Variants in ARID3B observed in about 807,000 individuals in gnomAD.
The protein encoded by ARID3B is AT-rich interactive domain-containing protein 3B.
Under a neutral mutation model 51.9 loss-of-function variants are expected in ARID3B, and 10 were observed. That is an observed-to-expected ratio of 0.19 (90% CI 0.12 to 0.33). The LOEUF is 0.33. Ranked by LOEUF, ARID3B falls within the 10% of genes least tolerant of loss-of-function variation. ARID3B has a pLI of 1.00. For synonymous variants in ARID3B, 205 were observed against 279.5 expected (o/e 0.73, Z 2.66); for missense variants, 483 against 716.3 (o/e 0.67, Z 3.72).
intron 7 of ARID3B, 102 bp from the exon 8 acceptor site, chr15:74,593,036 C>T: frequency 2.1e-6 from 2 of 944,002 alleles, no homozygotes; most frequent in Admixed American, 4.2e-5. Flanking sequence ...TGCCTTTTAA[C>T]AGCGTGAGGC....
intron 4 of ARID3B, among the ~76,000 whole-genome samples, chr15:74,579,872 T>TGTGTGTGTGTGTGCGC (rs1488209764): frequency 8.4e-6 from 1 of 118,936 alleles, no homozygotes; most frequent in Middle Eastern, 4.0e-3. Context: ...TGTGTGTGTG[T>TGTGTGTGTGTGTGCGC]GCGCGCGCGC....
intron 4 of ARID3B, chr15:74,575,052 G>A (rs2061732847): frequency 6.6e-6 from 1 of 150,394 alleles, no homozygotes; most frequent in Admixed American, 6.6e-5. Context: ...GTGACTGGCA[G>A]CAATGAACCT....
At chr15:74,578,727 A>G (rs544010479) in intron 4 of ARID3B, among the ~76,000 whole-genome samples, 2 of 152,322 alleles carry the variant, frequency 1.3e-5, no homozygotes, top group African/African-American at 4.8e-5. Flanking sequence ...TCTCTACAAA[A>G]AAAACATTTT....
chr15:74,591,129 C>G lies in ARID3B; in HGVS notation c.882-22C>G, dbSNP rs201697711. ...CTGGTGCTGTTTTGGATTATTCTCCCTGCTTGCTTCCTTTCCTCCAGGTAC... is the reference window on the plus strand; with the variant it reads ...CTGGTGCTGTTTTGGATTATTCTCCGTGCTTGCTTCCTTTCCTCCAGGTAC... On this transcript the variant is annotated intron_variant, in intron 5 of 8. Coordinates refer to ENST00000346246, the MANE Select transcript of ARID3B (RefSeq NM_006465.4). This position sits in a 1 kb window ranked among gnomAD's most constrained non-coding sequence, Gnocchi z 5.8. 1.8e-5 allele frequency: 28 copies of G among 1,571,456 alleles called. No homozygotes were observed. The East Asian group carries it at 5.4e-4, about 30-fold the overall frequency.
At position 74,591,483 on chromosome 15, in the gene ARID3B, A is replaced by T. The variant is rs770473860; in HGVS notation, c.1165+49A>T. 1.3e-6 allele frequency: 2 copies of T among 1,593,012 alleles called. No homozygotes were observed. The highest frequency in any genetic ancestry group is 4.5e-5 in the East Asian group (2 of 44,468). On this transcript the variant is annotated intron_variant, in intron 6 of 8. Coordinates refer to ENST00000346246, the MANE Select transcript of ARID3B (RefSeq NM_006465.4). The surrounding 1 kb of genome is among the most constrained non-coding windows in gnomAD (Gnocchi z 5.8). ...AGGAAGAAAGGGAGGAAGGGATGCC[A>T]GTTCCCTGTGTTCAAGACTGGGGTT...
chr15:74,578,984 C>G (rs547890514), intron 4 of ARID3B, among the ~76,000 whole-genome samples: 7 of 152,164 alleles, frequency 4.6e-5, no homozygotes, highest in African/African-American at 1.7e-4. Context: ...TTGAAAGGCC[C>G]GGAGACACCC....
chr15:74,552,546 A>G (rs1325281716), intron 2 of ARID3B, among the ~76,000 whole-genome samples: 3 of 151,422 alleles, frequency 2.0e-5, no homozygotes, highest in Non-Finnish European at 4.4e-5. Context: ...CCATTGTAGT[A>G]TCACACAGAG....
At chr15:74,561,711 T>C (rs1338417319) in intron 2 of ARID3B, among the ~76,000 whole-genome samples, 3 of 152,200 alleles carry the variant, frequency 2.0e-5, no homozygotes, top group Non-Finnish European at 4.4e-5. Context: ...TAAATGTCAA[T>C]ACATATAAAA....
At chr15:74,587,742 AG>A (rs933869283) in intron 4 of ARID3B, among the ~76,000 whole-genome samples, 1 of 152,124 alleles carries the variant, frequency 6.6e-6, no homozygotes, top group African/African-American at 2.4e-5. Context: ...TCTTTCTGGT[AG>A]GGGGAAGGTT....
intron 4 of ARID3B, among the ~76,000 whole-genome samples, chr15:74,577,734 TG>T (rs1567123418): frequency 6.6e-6 from 1 of 152,100 alleles, no homozygotes; most frequent in Admixed American, 6.6e-5. Flanking sequence ...GAGGCCCTTA[TG>T]TTGCCCAGGC....
intron 1 of ARID3B, 38 bp from the exon 2 acceptor site, chr15:74,543,822 T>C (rs2061603468): frequency 7.2e-7 from 1 of 1,385,358 alleles, no homozygotes; most frequent in Non-Finnish European, 9.8e-7. Flanking sequence ...TGGTTGTTTT[T>C]TCCCCCTCCT....
At chr15:74,547,871 C>T (rs187196306) in intron 2 of ARID3B, among the ~76,000 whole-genome samples, 208 of 152,346 alleles carry the variant, frequency 1.4e-3, no homozygotes, top group Non-Finnish European at 2.1e-3. Context: ...GGACAGGCAT[C>T]TGCTAACTGA....
Position 74,578,110 on chromosome 15 carries a change from G to A in ARID3B, c.697+4906G>A, listed in dbSNP as rs550440602. Reference sequence around the variant, plus strand: ...GGCCTCGAGTGATCCGCCTGCCTCCGACTCCCAAAGTACTGGAATTACAGA... The same window carrying A: ...GGCCTCGAGTGATCCGCCTGCCTCCAACTCCCAAAGTACTGGAATTACAGA... On this transcript the variant is annotated intron_variant, in intron 4 of 8. Transcript: ENST00000346246. Among the ~76,000 whole-genome samples the A allele has an allele frequency of 8.6e-5, 13 of 151,826 alleles. 1 individual carries two copies. Among genetic ancestry groups the A allele is most frequent in the Admixed American group, 4.6e-4 (7 of 15,222 alleles).
chr15:74,583,631 C>A (rs990353251), intron 4 of ARID3B, among the ~76,000 whole-genome samples: 1 of 151,722 alleles, frequency 6.6e-6, no homozygotes, highest in Non-Finnish European at 1.5e-5. Context: ...GCAGGAGAAT[C>A]GCTTGAACCT....
At position 74,591,617 on chromosome 15, in the gene ARID3B, C is replaced by G; in HGVS notation, c.1223C>G (p.Thr408Ser). ...CCAAATCGTCTGGCTGTGCCCGTGA[C>G]CTTGGCAAGCCAGCAGGCTGGTACT... ...PVPNRLAVPV[T>S]LASQQAGTRT... Residue 408 changes from threonine to serine, a missense_variant, in exon 7 of 9, where the codon ACC becomes AGC. This residue lies in a region of ARID3B where 265 missense variants were observed against 354.4 expected (regional missense o/e 0.75). Transcript: ENST00000346246. The surrounding 1 kb of genome is among the most constrained non-coding windows in gnomAD (Gnocchi z 5.8). The G allele has an allele frequency of 6.2e-7, 1 of 1,601,458 alleles. No individual in the cohort carries two copies. The highest frequency in any genetic ancestry group is 1.1e-5 in the South Asian group (1 of 89,938).
intron 2 of ARID3B, among the ~76,000 whole-genome samples, chr15:74,563,189 A>T (rs2061685271): frequency 6.6e-6 from 1 of 152,244 alleles, no homozygotes. Flanking sequence ...AGAGAGCCTC[A>T]GCCTGGTAGA....
intron 4 of ARID3B, among the ~76,000 whole-genome samples, chr15:74,578,538 G>T (rs1404791717): frequency 6.6e-6 from 1 of 152,050 alleles, no homozygotes; most frequent in African/African-American, 2.4e-5. Flanking sequence ...TGTCACTTGT[G>T]GAGTGTCTGG....
intron 2 of ARID3B, among the ~76,000 whole-genome samples, chr15:74,555,832 C>T (rs2061655497): frequency 7.9e-6 from 1 of 127,084 alleles, no homozygotes; most frequent in Non-Finnish European, 1.6e-5. Context: ...CACCTTGTTG[C>T]CCAGGCTGGA....
chr15:74,569,945 C>T (rs1358361616), intron 2 of ARID3B, among the ~76,000 whole-genome samples: 1 of 152,198 alleles, frequency 6.6e-6, no homozygotes, highest in Non-Finnish European at 1.5e-5. Flanking sequence ...GAAAATACCT[C>T]CTCTCTGGGC....
Sources: allele counts gnomAD v4.1 joint callset (sites outside exome capture counted in the v4.1 genomes callset), GRCh38; gene constraint gnomAD v4.1.1; regional missense constraint gnomAD v4.1.1; non-coding constraint Gnocchi (gnomAD v3.1); transcripts MANE v1.5; gene names NCBI Gene and HGNC (gene_info 2026-07-23, HGNC 2026-07-21).